Variants in SEC23A observed in about 807,000 individuals in gnomAD.
The protein encoded by SEC23A is SEC23 homolog A, COPII component.
SEC23A carries 56 observed loss-of-function variants against 103.7 expected under a neutral mutation model. That is an observed-to-expected ratio of 0.54 (90% CI 0.44 to 0.67). The LOEUF (loss-of-function observed/expected upper bound fraction) is 0.67. SEC23A is among the 30% of genes least tolerant of loss of function. SEC23A has a pLI of 0.00. For missense variants in SEC23A, 784 were observed against 936.4 expected (o/e 0.84, Z 2.12); for synonymous variants, 281 against 293.0 (o/e 0.96, Z 0.42).
At chr14:39,053,729 T>C (rs992718452) in intron 14 of SEC23A, among the ~76,000 whole-genome samples, 1 of 152,152 alleles carries the variant, frequency 6.6e-6, no homozygotes, top group Non-Finnish European at 1.5e-5. Context: ...GACACAGAAA[T>C]TCGACAGCTT....
At chr14:39,057,559 G>A (rs554407202) in intron 13 of SEC23A, among the ~76,000 whole-genome samples, 2 of 152,106 alleles carry the variant, frequency 1.3e-5, no homozygotes, top group Admixed American at 1.3e-4. Context: ...AGAGGTGAGG[G>A]TCTCACTATG....
At chr14:39,085,685 TATATACACACACACACACAC>T (rs1398588948) in intron 7 of SEC23A, 57 bp downstream of exon 7, 31 of 957,380 alleles carry the variant, frequency 3.2e-5, no homozygotes, top group Admixed American at 4.6e-5. Flanking sequence ...CTTATAATTA[TATATACACACACACACACAC>T]ACACACACAC....
intron 7 of SEC23A, among the ~76,000 whole-genome samples, chr14:39,083,077 T>C (rs559586938): frequency 3.5e-4 from 54 of 152,302 alleles, no homozygotes; most frequent in Middle Eastern, 3.4e-3. Context: ...ATTGTGGTTA[T>C]ATAGGAGATT....
At chr14:39,046,089 C>T (rs981232306) in intron 15 of SEC23A, among the ~76,000 whole-genome samples, 3 of 152,170 alleles carry the variant, frequency 2.0e-5, no homozygotes, top group African/African-American at 7.2e-5. Flanking sequence ...GCTCTCTTGC[C>T]TGCTGCCACG....
At chr14:39,099,640 T>G (rs539759354) in intron 1 of SEC23A, among the ~76,000 whole-genome samples, 61 of 152,324 alleles carry the variant, frequency 4.0e-4, no homozygotes, top group Non-Finnish European at 5.3e-4. Context: ...AACCGTCAAT[T>G]TGTGATATGA....
chr14:39,092,578 A>T lies in SEC23A; in HGVS notation c.329T>A (p.Leu110His). 6.2e-7 allele frequency: 1 copy of T among 1,611,934 alleles called. No homozygotes were observed. Among genetic ancestry groups the T allele is most frequent in the South Asian group, 1.1e-5 (1 of 90,732 alleles). Residue 110 changes from leucine to histidine, a missense_variant, in exon 4 of 20, where the codon CTT becomes CAT. Coordinates refer to ENST00000307712, the MANE Select transcript of SEC23A (RefSeq NM_006364.4). Reference protein sequence around the residue: ...GISELNQPAELLPQFSSIEYV... With the variant: ...GISELNQPAEHLPQFSSIEYV... Reference sequence around the variant, plus strand: ...TTCAATGCTAGAAAACTGAGGTAAAAGTTCAGCAGGCTGATTCAGTTCAGA... The same window carrying T: ...TTCAATGCTAGAAAACTGAGGTAAATGTTCAGCAGGCTGATTCAGTTCAGA...
intron 9 of SEC23A, among the ~76,000 whole-genome samples, chr14:39,069,757 T>A (rs1018957810): frequency 6.6e-6 from 1 of 152,120 alleles, no homozygotes; most frequent in African/African-American, 2.4e-5. Context: ...CCACAGCGCC[T>A]GGCCCCAGGT....
At chr14:39,093,621 C>T (rs538027244) in intron 2 of SEC23A, among the ~76,000 whole-genome samples, 1 of 152,102 alleles carries the variant, frequency 6.6e-6, no homozygotes, top group Admixed American at 6.5e-5. Context: ...ATCATCCAGG[C>T]GTGGTGGCAC....
At chr14:39,051,660 A>T (rs1473913129) in intron 14 of SEC23A, among the ~76,000 whole-genome samples, 4 of 152,168 alleles carry the variant, frequency 2.6e-5, no homozygotes, top group Admixed American at 2.6e-4. Context: ...AATACTATGC[A>T]GCCATAAGAA....
intron 14 of SEC23A, among the ~76,000 whole-genome samples, chr14:39,051,435 A>G (rs1477395181): frequency 6.6e-6 from 1 of 151,968 alleles, no homozygotes; most frequent in East Asian, 1.9e-4. Flanking sequence ...GAAGTAAAGT[A>G]CACTGTGAGG....
Position 39,085,850 on chromosome 14 carries a change from A to C in SEC23A, c.740T>G (p.Leu247Arg). The C allele has an allele frequency of 1.2e-6, 2 of 1,613,836 alleles. No individual in the cohort carries two copies. Among genetic ancestry groups the C allele is most frequent in the Non-Finnish European group, 1.7e-6 (2 of 1,179,750 alleles). ...TGGTACAGGCCAAGGGTCTCGCTGGAGTTCTCCCAGAAGATCTGTGAGATT... is the reference window on the plus strand; with the variant it reads ...TGGTACAGGCCAAGGGTCTCGCTGGCGTTCTCCCAGAAGATCTGTGAGATT... ...DMNLTDLLGE[L>R]QRDPWPVPQG... Residue 247 changes from leucine to arginine, a missense_variant, in exon 7 of 20, where the codon CTC becomes CGC. Physicochemically the swap from Leu to Arg is moderately radical, Grantham distance 102. This residue lies in a region of SEC23A where 683 missense variants were observed against 774.2 expected (regional missense o/e 0.88). Coordinates refer to ENST00000307712, the MANE Select transcript of SEC23A (RefSeq NM_006364.4).
chr14:39,063,477 G>C, intron 11 of SEC23A, 64 bp from the exon 12 acceptor site: 2 of 1,057,666 alleles, frequency 1.9e-6, no homozygotes, highest in Non-Finnish European at 1.4e-6. Flanking sequence ...TTATATTAAA[G>C]TGAAAATGGA....
At chr14:39,071,023 A>C (rs1340306234) in intron 9 of SEC23A, among the ~76,000 whole-genome samples, 1 of 151,700 alleles carries the variant, frequency 6.6e-6, no homozygotes. Flanking sequence ...GGGAAACTCC[A>C]TCTCAAAAAA....
chr14:39,041,112 A>AT, intron 17 of SEC23A: 1 of 434,058 alleles, frequency 2.3e-6, no homozygotes, highest in Non-Finnish European at 3.9e-6. Flanking sequence ...GAATACTTAC[A>AT]TAAGTCAGAA....
chr14:39,054,498 T>A (rs760029434), intron 14 of SEC23A, among the ~76,000 whole-genome samples: 1 of 152,112 alleles, frequency 6.6e-6, no homozygotes, highest in Non-Finnish European at 1.5e-5. Context: ...TGACACAAGG[T>A]CTCACTCTGT....
chr14:39,084,114 C>A (rs191864429), intron 7 of SEC23A, among the ~76,000 whole-genome samples: 2 of 151,628 alleles, frequency 1.3e-5, no homozygotes, highest in African/African-American at 2.4e-5. Flanking sequence ...CTCCACCTTC[C>A]GGGTTCAAGC....
chr14:39,059,714 C>G (rs1383435454), intron 13 of SEC23A, among the ~76,000 whole-genome samples: 2 of 152,066 alleles, frequency 1.3e-5, no homozygotes, highest in Non-Finnish European at 2.9e-5. Flanking sequence ...GACCTTCTGC[C>G]TGAAATACTT....
intron 5 of SEC23A, chr14:39,088,388 G>A (rs1887524023): frequency 6.6e-6 from 1 of 152,162 alleles, no homozygotes; most frequent in Non-Finnish European, 1.5e-5. Context: ...CCTGAGGTCA[G>A]GAGTTCAAGA....
intron 14 of SEC23A, among the ~76,000 whole-genome samples, chr14:39,053,946 A>C (rs1165406814): frequency 2.0e-5 from 3 of 152,090 alleles, no homozygotes; most frequent in Admixed American, 1.3e-4. Context: ...TACCTTGAGC[A>C]AAATAGTGAG....
Sources: gnomAD v4.1 joint callset for allele counts (sites outside exome capture counted in the v4.1 genomes callset) on GRCh38, gnomAD v4.1.1 for gene constraint, gnomAD v4.1.1 regional missense constraint, MANE v1.5 for transcripts, NCBI Gene and HGNC (gene_info 2026-07-23, HGNC 2026-07-21) for gene names.